Variants in ARMC7 observed in about 807,000 individuals in gnomAD.
ARMC7 encodes the protein armadillo repeat-containing protein 7.
ARMC7 carries 9 observed loss-of-function variants against 14.8 expected under a neutral mutation model. The ratio of observed to expected loss-of-function variants is 0.61; its 90% CI spans 0.37 to 1.06. ARMC7 has a LOEUF of 1.06. Ranked by LOEUF, ARMC7 falls within the 50% of genes least tolerant of loss-of-function variation. The pLI is 0.01. For missense variants in ARMC7, 262 were observed against 267.1 expected (o/e 0.98, Z 0.13); for synonymous variants, 125 against 123.4 (o/e 1.01, Z -0.09).
intron 2 of ARMC7, among the ~76,000 whole-genome samples, chr17:75,112,127 G>C (rs2073928149): frequency 6.8e-6 from 1 of 146,678 alleles, no homozygotes. Context: ...CCTTAAAACA[G>C]GAAGGAGCCA....
At chr17:75,114,816 TGAAATTTCTC>T (rs1392710162) in intron 2 of ARMC7, 18 of 398,088 alleles carry the variant, frequency 4.5e-5, no homozygotes, top group East Asian at 1.8e-4. Context: ...AACATGCAAA[TGAAATTTCTC>T]GAAATTTCTC....
At chr17:75,114,392 C>G in intron 2 of ARMC7, 1 of 396,766 alleles carries the variant, frequency 2.5e-6, no homozygotes, top group Non-Finnish European at 4.4e-6. Flanking sequence ...ACCCTGAGGT[C>G]CGGGTCCACT....
intron 2 of ARMC7, among the ~76,000 whole-genome samples, chr17:75,120,597 G>A (rs1267310166): frequency 4.0e-5 from 6 of 151,886 alleles, no homozygotes; most frequent in Admixed American, 1.3e-4. Flanking sequence ...GGCGGATCAC[G>A]AGGTCAGGAG....
At chr17:75,119,776 G>C (rs34375524) in intron 2 of ARMC7, among the ~76,000 whole-genome samples, 41,355 of 151,396 alleles carry the variant, frequency 0.27, 6,487 homozygotes, top group East Asian at 0.66. Context: ...TGAAGACTTT[G>C]ACCCTGGGCT....
At chr17:75,128,235 C>T (rs879409891) in intron 2 of ARMC7, among the ~76,000 whole-genome samples, 2 of 152,076 alleles carry the variant, frequency 1.3e-5, no homozygotes, top group African/African-American at 2.4e-5. Flanking sequence ...CCACCACACC[C>T]GGCTAATTTT....
At chr17:75,113,954 C>T (rs2073952938) in intron 2 of ARMC7, among the ~76,000 whole-genome samples, 1 of 152,182 alleles carries the variant, frequency 6.6e-6, no homozygotes, top group Non-Finnish European at 1.5e-5. Flanking sequence ...AGGGGAAGGA[C>T]GGCTGTGGGC....
intron 2 of ARMC7, among the ~76,000 whole-genome samples, chr17:75,112,803 C>T (rs1476044858): frequency 2.7e-5 from 4 of 150,736 alleles, no homozygotes. Flanking sequence ...AGACTGGTCT[C>T]GAACTCCTGG....
At chr17:75,119,226 T>G (rs1285971401) in intron 2 of ARMC7, among the ~76,000 whole-genome samples, 1 of 152,182 alleles carries the variant, frequency 6.6e-6, no homozygotes, top group Non-Finnish European at 1.5e-5. Flanking sequence ...TTCAGTGTCT[T>G]GAAAATGGCT....
At position 75,129,288 on chromosome 17, in the gene ARMC7, G is replaced by T; in HGVS notation, c.*250G>T. On this transcript the variant is annotated 3_prime_UTR_variant, in exon 3 of 3. Transcript: ENST00000245543. ...GCTGGCACTCTCAATCCTACATCAG[G>T]TGCCACCACCACCAGACTCAGGCCC... The T allele has an allele frequency of 1.8e-6, 1 of 562,490 alleles. No individual in the cohort carries two copies. Among genetic ancestry groups the T allele is most frequent in the East Asian group, 3.1e-5 (1 of 32,752 alleles). 34.8% of individuals were successfully genotyped at this position (562,490 alleles called of 1,614,324 possible). A position where few individuals can be genotyped will look rare whatever the true frequency, so the allele number is the denominator to read the frequency against.
intron 2 of ARMC7, among the ~76,000 whole-genome samples, chr17:75,128,247 G>C (rs2074066496): frequency 6.6e-6 from 1 of 151,860 alleles, no homozygotes; most frequent in Admixed American, 6.6e-5. Context: ...GCTAATTTTT[G>C]TATTTTTAGT....
At chr17:75,118,816 G>A (rs545693036) in intron 2 of ARMC7, among the ~76,000 whole-genome samples, 46 of 152,288 alleles carry the variant, frequency 3.0e-4, no homozygotes, top group African/African-American at 9.6e-4. Flanking sequence ...CCTCTGAATC[G>A]GTCATGAACG....
chr17:75,120,474 G>C (rs756996222), intron 2 of ARMC7, among the ~76,000 whole-genome samples: 1 of 152,104 alleles, frequency 6.6e-6, no homozygotes, highest in Admixed American at 6.6e-5. Context: ...ATGTTCATCA[G>C]GAAGTCGGAA....
chr17:75,119,470 A>T, intron 2 of ARMC7, among the ~76,000 whole-genome samples: 1 of 112,638 alleles, frequency 8.9e-6, no homozygotes, highest in East Asian at 2.4e-4. Flanking sequence ...TTTTTTTGAG[A>T]CGGAGTTTCG....
chr17:75,115,408 C>T (rs183582348), intron 2 of ARMC7, among the ~76,000 whole-genome samples: 9 of 152,174 alleles, frequency 5.9e-5, no homozygotes, highest in East Asian at 1.9e-4. Context: ...GGTGTGGTGG[C>T]GCACACCTGT....
chr17:75,128,596 C>CT, intron 2 of ARMC7, 81 bp from the exon 3 acceptor site: 1 of 1,529,512 alleles, frequency 6.5e-7, no homozygotes, highest in African/African-American at 1.4e-5. Flanking sequence ...CAGCCTGGGC[C>CT]CCTACCTGGG....
intron 2 of ARMC7, among the ~76,000 whole-genome samples, chr17:75,120,530 G>A (rs569728992): frequency 2.6e-4 from 39 of 152,136 alleles, no homozygotes; most frequent in African/African-American, 8.9e-4. Context: ...ACTGCAGTAT[G>A]GTGGCTGGGC....
chr17:75,113,812 A>G (rs2073951820), intron 2 of ARMC7, among the ~76,000 whole-genome samples: 1 of 152,328 alleles, frequency 6.6e-6, no homozygotes, highest in East Asian at 1.9e-4. Context: ...CCCCACAGAC[A>G]GCTGCCCCTT....
Position 75,126,616 on chromosome 17 carries a change from C to T in ARMC7, c.236-2061C>T, listed in dbSNP as rs552832816. On this transcript the variant is annotated intron_variant, in intron 2 of 2. Coordinates refer to ENST00000245543, the MANE Select transcript of ARMC7 (RefSeq NM_024585.4). ...TTTTTTTTTGAGATGGAGTTTCACT[C>T]GTTTGCTCAGGCTGGAGTGCAATGG... Among the ~76,000 whole-genome samples the T allele has an allele frequency of 5.3e-5, 8 of 149,984 alleles. 1 individual carries two copies. The highest frequency in any genetic ancestry group is 9.9e-5 in the African/African-American group (4 of 40,514).
intron 2 of ARMC7, among the ~76,000 whole-genome samples, chr17:75,124,960 G>A (rs772617620): frequency 3.3e-5 from 5 of 152,188 alleles, no homozygotes; most frequent in Non-Finnish European, 5.9e-5. Flanking sequence ...CCTACAGAAT[G>A]CCACAGCCAC....
Sources: allele counts gnomAD v4.1 joint callset (sites outside exome capture counted in the v4.1 genomes callset), GRCh38; gene constraint gnomAD v4.1.1; transcripts MANE v1.5; gene names NCBI Gene and HGNC (gene_info 2026-07-23, HGNC 2026-07-21).